The following STPG2 variants were observed in gnomAD, a reference collection of about 807,000 sequenced individuals.
STPG2 encodes sperm tail PG-rich repeat containing 2.
Under a neutral mutation model 54.2 loss-of-function variants are expected in STPG2, and 56 were observed. That is an observed-to-expected ratio of 1.03 (90% CI 0.83 to 1.29). STPG2 has a LOEUF of 1.29. STPG2 is among the 50% of genes most tolerant of loss of function. The pLI, the probability that STPG2 is intolerant of heterozygous loss-of-function variation, is 0.00. For synonymous variants in STPG2, 200 were observed against 181.8 expected, an observed-to-expected ratio of 1.10 and a Z score of -0.81; for missense variants, 596 against 544.9, an observed-to-expected ratio of 1.09 and a Z score of -0.93.
intron 5 of STPG2, among the ~76,000 whole-genome samples, chr4:97,982,412 AG>A (rs1450590854): frequency 1.3e-5 from 2 of 151,282 alleles, no homozygotes; most frequent in African/African-American, 4.9e-5. Context: ...ACACACACAC[AG>A]ATTTTGAAAG....
chr4:97,463,653 T>G (rs1441555473), intron 4 of STPG2: 1 of 152,220 alleles, frequency 6.6e-6, no homozygotes, highest in Non-Finnish European at 1.5e-5. Context: ...TTTCACCATG[T>G]TGGCCAAGCT....
chr4:97,839,449 G>A (rs1020235538), intron 9 of STPG2, among the ~76,000 whole-genome samples: 5 of 151,496 alleles, frequency 3.3e-5, no homozygotes, highest in Admixed American at 1.3e-4. Context: ...AAAATATCAG[G>A]AAATATGATA....
chr4:97,494,335 A>C (rs900623117), intron 4 of STPG2, among the ~76,000 whole-genome samples: 2 of 151,538 alleles, frequency 1.3e-5, no homozygotes, highest in African/African-American at 4.8e-5. Context: ...ACATTTACTT[A>C]GTGGGAAGAG....
chr4:97,621,665 C>A (rs114265790), intron 10 of STPG2, among the ~76,000 whole-genome samples: 1 of 152,146 alleles, frequency 6.6e-6, no homozygotes, highest in Non-Finnish European at 1.5e-5. Context: ...AAGCTCAGGG[C>A]CAAACAGATT....
At chr4:97,945,139 T>C (rs183422491) in intron 7 of STPG2, among the ~76,000 whole-genome samples, 152 of 152,216 alleles carry the variant, frequency 1.0e-3, no homozygotes, top group Middle Eastern at 3.4e-3. Flanking sequence ...AATTCTTAGA[T>C]TTTAGTGCAC....
intron 10 of STPG2, among the ~76,000 whole-genome samples, chr4:97,697,847 C>T (rs1560724545): frequency 6.6e-6 from 1 of 152,184 alleles, no homozygotes; most frequent in African/African-American, 2.4e-5. Context: ...AGGACATGTT[C>T]CTGCTGCAGA....
rs1219588648 is a variant in STPG2, at chr4:98,060,266, CACA to C, written c.612+45684_612+45686del. 2.6e-5 allele frequency among the ~76,000 whole-genome samples: 4 copies of C among 152,252 alleles called. No homozygotes were observed. The East Asian group carries it at 5.8e-4, about 22-fold the overall frequency. The stretch of plus-strand genomic sequence containing the variant: ...TGCAAAAATCACTAGCATTCCTATA[CACA>C]ACAACAGCCAAACCAACAGCCAAAT... On this transcript the variant is annotated intron_variant, in intron 5 of 10. Coordinates refer to ENST00000295268, the MANE Select transcript of STPG2 (RefSeq NM_174952.3).
intron 8 of STPG2, among the ~76,000 whole-genome samples, chr4:97,928,982 G>A (rs138735516): frequency 1.3e-5 from 2 of 152,078 alleles, no homozygotes; most frequent in Non-Finnish European, 2.9e-5. Flanking sequence ...TCACAACCCA[G>A]GTATTAAGCC....
At chr4:97,680,293 T>G (rs1166800305) in intron 10 of STPG2, among the ~76,000 whole-genome samples, 1 of 151,644 alleles carries the variant, frequency 6.6e-6, no homozygotes, top group Non-Finnish European at 1.5e-5. Context: ...TGTATCCTCT[T>G]TTATTTCATT....
intron 5 of STPG2, among the ~76,000 whole-genome samples, chr4:98,093,222 C>T (rs1052938952): frequency 6.6e-6 from 1 of 151,960 alleles, no homozygotes; most frequent in African/African-American, 2.4e-5. Context: ...TTTTTCATTG[C>T]CAAAGGCAAG....
At chr4:97,868,073 C>T (rs1729857369) in intron 8 of STPG2, among the ~76,000 whole-genome samples, 1 of 151,950 alleles carries the variant, frequency 6.6e-6, no homozygotes, top group African/African-American at 2.4e-5. Flanking sequence ...AACATTATTA[C>T]TATAACTTCC....
At chr4:97,456,909 A>T (rs1319320360) in intron 4 of STPG2, among the ~76,000 whole-genome samples, 3 of 143,786 alleles carry the variant, frequency 2.1e-5, no homozygotes, top group African/African-American at 5.6e-5. Flanking sequence ...AAAAAAAGAA[A>T]ATTAAAAAAA....
At chr4:97,950,796 C>T (rs2149239486) in intron 7 of STPG2, among the ~76,000 whole-genome samples, 2 of 152,270 alleles carry the variant, frequency 1.3e-5, no homozygotes, top group Admixed American at 1.3e-4. Context: ...ACAATAACAG[C>T]CCTTTTCCAA....
chr4:97,505,672 T>C lies in STPG2; in HGVS notation c.462+207027A>G, dbSNP rs148660481. Among the ~76,000 whole-genome samples the C allele has an allele frequency of 5.4e-4, 82 of 152,078 alleles. No homozygotes were observed. In the East Asian group the frequency reaches 0.014, roughly 27 times the overall value. ...TGACACATAGTGTGTAACAGTTGCA[T>C]GTATTTTGAATAAACTACTTTATAT... is the stretch of plus-strand genomic sequence containing the variant. On this transcript the variant is annotated intron_variant, in intron 4 of 4. Coordinates refer to the STPG2 transcript ENST00000522676.
In STPG2 at chr4:98,007,195, C is replaced by T. The variant is rs116082730; in HGVS notation, c.613-25877G>A. Reference sequence around the variant, plus strand: ...ATAAAACCTATTGCACCACTGCAGCCAGATCTTACCTGCAAGTGTGACCTA... The same window carrying T: ...ATAAAACCTATTGCACCACTGCAGCTAGATCTTACCTGCAAGTGTGACCTA... On this transcript the variant is annotated intron_variant, in intron 5 of 10. Coordinates refer to ENST00000295268, the MANE Select transcript of STPG2 (RefSeq NM_174952.3). 5.0e-3 allele frequency among the ~76,000 whole-genome samples: 767 copies of T among 152,294 alleles called. 8 individuals carry two copies. Among genetic ancestry groups the T allele is most frequent in the African/African-American group, 0.018 (736 of 41,558 alleles).
chr4:97,915,568 C>T (rs955671085), intron 8 of STPG2, among the ~76,000 whole-genome samples: 1 of 151,982 alleles, frequency 6.6e-6, no homozygotes, highest in African/African-American at 2.4e-5. Context: ...GAAGAGACTG[C>T]CCCTTGCCTG....
At chr4:97,690,392 T>C (rs760988827) in intron 10 of STPG2, among the ~76,000 whole-genome samples, 3 of 152,118 alleles carry the variant, frequency 2.0e-5, no homozygotes, top group Non-Finnish European at 4.4e-5. Context: ...AGGTAGCCAC[T>C]TTTAGTCCTC....
intron 8 of STPG2, among the ~76,000 whole-genome samples, chr4:97,872,506 A>C (rs1730025853): frequency 6.6e-6 from 1 of 151,178 alleles, no homozygotes; most frequent in Admixed American, 6.6e-5. Context: ...TAAGTAGAAA[A>C]CCCCTATGTA....
At chr4:97,845,222 G>A (rs1279420529) in intron 8 of STPG2, among the ~76,000 whole-genome samples, 11 of 151,376 alleles carry the variant, frequency 7.3e-5, no homozygotes, top group African/African-American at 2.7e-4. Flanking sequence ...TCTTTAATGA[G>A]ATTTGTTGTC....
Sources: allele counts gnomAD v4.1 joint callset (sites outside exome capture counted in the v4.1 genomes callset), GRCh38; gene constraint gnomAD v4.1.1; transcripts MANE v1.5; gene names NCBI Gene and HGNC (gene_info 2026-07-23, HGNC 2026-07-21).